The following CAMK1D variants were observed in gnomAD, a reference collection of about 807,000 sequenced individuals.
CAMK1D encodes the protein calcium/calmodulin dependent protein kinase ID, also known as calcium/calmodulin-dependent protein kinase type 1D.
A neutral mutation model predicts 47.7 loss-of-function variants in CAMK1D; 9 were observed. The ratio of observed to expected loss-of-function variants is 0.19; its 90% CI spans 0.11 to 0.33. The LOEUF is 0.33. CAMK1D is among the 10% of genes least tolerant of loss of function. The pLI is 1.00. For missense variants in CAMK1D, 291 were observed against 488.7 expected (o/e 0.60, Z 3.81); for synonymous variants, 184 against 184.9 (o/e 0.99, Z 0.04).
intron 3 of CAMK1D, among the ~76,000 whole-genome samples, chr10:12,734,107 C>T (rs1426634100): frequency 2.0e-5 from 3 of 151,300 alleles, no homozygotes; most frequent in Admixed American, 2.0e-4. Context: ...GCGCGTGGAT[C>T]ACTTGAGGTC....
At chr10:12,741,724 C>T (rs762276470) in intron 3 of CAMK1D, among the ~76,000 whole-genome samples, 1 of 152,082 alleles carries the variant, frequency 6.6e-6, no homozygotes, top group Non-Finnish European at 1.5e-5. Flanking sequence ...CCAGGATACG[C>T]ATCTGCCGGG....
At chr10:12,811,625 T>A (rs1832610259) in intron 6 of CAMK1D, among the ~76,000 whole-genome samples, 1 of 152,204 alleles carries the variant, frequency 6.6e-6, no homozygotes, top group Non-Finnish European at 1.5e-5. Context: ...AACTGGAATA[T>A]ACATTTAAAA....
intron 2 of CAMK1D, among the ~76,000 whole-genome samples, chr10:12,663,315 G>A (rs1304118040): frequency 2.6e-5 from 4 of 152,156 alleles, no homozygotes; most frequent in Non-Finnish European, 5.9e-5. Context: ...CCTGGGATCA[G>A]TATTTCCAGA....
chr10:12,657,537 CT>C (rs1425587029), intron 2 of CAMK1D, among the ~76,000 whole-genome samples: 1 of 152,196 alleles, frequency 6.6e-6, no homozygotes, highest in African/African-American at 2.4e-5. Context: ...GAATGAAGCG[CT>C]AATGCTTAAG....
rs1024837323 is a variant in CAMK1D, at chr10:12,756,829, A to G, written c.300-4119A>G. 6.6e-5 allele frequency among the ~76,000 whole-genome samples: 10 copies of G among 152,308 alleles called. No homozygotes were observed. The East Asian group carries it at 7.7e-4, about 12-fold the overall frequency. ...TGTAGTCCCAGCTACTCGGGAGGCTAAGGCAGGAGAATGGCGTGAACCCAG... is the reference window on the plus strand; with the variant it reads ...TGTAGTCCCAGCTACTCGGGAGGCTGAGGCAGGAGAATGGCGTGAACCCAG... On this transcript the variant is annotated intron_variant, in intron 3 of 10. Transcript: ENST00000619168.
At chr10:12,401,192 TTTTA>T (rs1469829149) in intron 1 of CAMK1D, among the ~76,000 whole-genome samples, 3 of 49,460 alleles carry the variant, frequency 6.1e-5, no homozygotes, top group African/African-American at 2.8e-4. Context: ...TATATATATA[TTTTA>T]TATATATATA....
intron 1 of CAMK1D, among the ~76,000 whole-genome samples, chr10:12,378,627 A>C (rs1838252804): frequency 6.6e-6 from 1 of 150,924 alleles, no homozygotes. Context: ...AATCCCTTTC[A>C]GTTATAAAAC....
chr10:12,814,237 G>T lies in CAMK1D; in HGVS notation c.684G>T (p.Lys228Asn), dbSNP rs190382582. The change falls in exon 7 of 11, where the codon AAG (lysine) becomes AAT (asparagine). Residue 228 changes from lysine (K) to asparagine (N), a missense_variant. Physicochemically the swap from Lys to Asn is moderately conservative, Grantham distance 94. This residue lies in a region of CAMK1D where 219 missense variants were observed against 424.3 expected (regional missense o/e 0.52). Coordinates refer to ENST00000619168, the MANE Select transcript of CAMK1D (RefSeq NM_153498.4). The stretch of plus-strand genomic sequence containing the variant: ...CTTTTTATGATGAAAATGACTCCAA[G>T]CTCTTTGAGCAGATCCTCAAGGCGG... Reference protein sequence around the residue: ...YPPFYDENDSKLFEQILKAEY... With the variant: ...YPPFYDENDSNLFEQILKAEY... 6.2e-7 allele frequency: 1 copy of T among 1,613,852 alleles called. No homozygotes were observed. Among genetic ancestry groups the T allele is most frequent in the Non-Finnish European group, 8.5e-7 (1 of 1,179,906 alleles).
chr10:12,404,845 C>T (rs11257773), intron 1 of CAMK1D, among the ~76,000 whole-genome samples: 28,132 of 151,716 alleles, frequency 0.19, 2,705 homozygotes, highest in Admixed American at 0.2. Flanking sequence ...TGCGCCACCA[C>T]ACCTGGCTAA....
At chr10:12,545,441 T>C (rs1280027922) in intron 1 of CAMK1D, among the ~76,000 whole-genome samples, 1 of 103,030 alleles carries the variant, frequency 9.7e-6, no homozygotes, top group Non-Finnish European at 1.8e-5. Context: ...AGAGCGAGAC[T>C]CCATCTCACA....
intron 1 of CAMK1D, among the ~76,000 whole-genome samples, chr10:12,503,478 G>A (rs576578984): frequency 1.3e-5 from 2 of 152,316 alleles, no homozygotes; most frequent in African/African-American, 4.8e-5. Flanking sequence ...AGGCGAAGAG[G>A]CCAGAAGAAG....
intron 2 of CAMK1D, among the ~76,000 whole-genome samples, chr10:12,663,896 C>T (rs1840350253): frequency 1.3e-5 from 2 of 152,090 alleles, no homozygotes; most frequent in African/African-American, 4.8e-5. Flanking sequence ...GAATAAAGTA[C>T]CTGAGAACAG....
intron 3 of CAMK1D, among the ~76,000 whole-genome samples, chr10:12,704,847 TTTCTTTTTG>T (rs1382046058): frequency 3.3e-5 from 5 of 152,370 alleles, no homozygotes; most frequent in East Asian, 1.9e-4. Flanking sequence ...ATCACTTATT[TTTCTTTTTG>T]TTCTATTAAA....
At chr10:12,421,604 C>T (rs557067417) in intron 1 of CAMK1D, among the ~76,000 whole-genome samples, 38 of 139,632 alleles carry the variant, frequency 2.7e-4, no homozygotes, top group African/African-American at 8.4e-4. Flanking sequence ...GGACTCACTA[C>T]GACCTCTGCC....
At chr10:12,705,856 C>T (rs1833711079) in intron 3 of CAMK1D, among the ~76,000 whole-genome samples, 1 of 152,230 alleles carries the variant, frequency 6.6e-6, no homozygotes, top group South Asian at 2.1e-4. Context: ...AAACAGCTAC[C>T]TTAACTAAAA....
intron 3 of CAMK1D, among the ~76,000 whole-genome samples, chr10:12,737,064 G>A (rs749846308): frequency 1.3e-5 from 2 of 152,172 alleles, no homozygotes; most frequent in African/African-American, 4.8e-5. Context: ...GCATGAAGGT[G>A]CGTAGCCTGA....
At chr10:12,794,724 T>C (rs1327667583) in intron 6 of CAMK1D, among the ~76,000 whole-genome samples, 1 of 152,150 alleles carries the variant, frequency 6.6e-6, no homozygotes, top group Admixed American at 6.5e-5. Context: ...CCCTAGTGCC[T>C]TCCAGAACTC....
intron 2 of CAMK1D, among the ~76,000 whole-genome samples, chr10:12,642,624 A>G (rs915236027): frequency 6.6e-6 from 1 of 152,226 alleles, no homozygotes; most frequent in Non-Finnish European, 1.5e-5. Flanking sequence ...GGTGGATCCA[A>G]AAATTCCTAC....
chr10:12,624,132 A>G lies in CAMK1D; in HGVS notation c.225-42604A>G, dbSNP rs892724819. ...ATTAAGGAAAAGACGAAGAATCACCATAATCCAATGTCTTAGAAAAAAATC... is the reference window on the plus strand; with the variant it reads ...ATTAAGGAAAAGACGAAGAATCACCGTAATCCAATGTCTTAGAAAAAAATC... On this transcript the variant is annotated intron_variant, in intron 2 of 10. Coordinates refer to ENST00000619168, the MANE Select transcript of CAMK1D (RefSeq NM_153498.4). 3.3e-5 allele frequency among the ~76,000 whole-genome samples: 5 copies of G among 152,162 alleles called. 1 individual carries two copies. The highest frequency in any genetic ancestry group is 1.2e-4 in the African/African-American group (5 of 41,446).
Sources: gnomAD v4.1 joint callset for allele counts (sites outside exome capture counted in the v4.1 genomes callset) on GRCh38, gnomAD v4.1.1 for gene constraint, gnomAD v4.1.1 regional missense constraint, MANE v1.5 for transcripts, NCBI Gene and HGNC (gene_info 2026-07-23, HGNC 2026-07-21) for gene names.